ZBTB2: variants seen among roughly 807,000 people sequenced by gnomAD.
ZBTB2 encodes zinc finger and BTB domain-containing protein 2.
In ZBTB2, 2 loss-of-function variants were observed where a neutral mutation model predicts 39.5. That is an observed-to-expected ratio of 0.05 (90% CI 0.02 to 0.16). The LOEUF (loss-of-function observed/expected upper bound fraction) is 0.16, where lower values mean the gene tolerates loss of function less well. Ranked by LOEUF, ZBTB2 falls within the 10% of genes least tolerant of loss-of-function variation. The pLI, the probability that ZBTB2 is intolerant of heterozygous loss-of-function variation, is 1.00. For synonymous variants in ZBTB2, 251 were observed against 256.6 expected, an observed-to-expected ratio of 0.98 and a Z score of 0.21; for missense variants, 391 against 653.0, an observed-to-expected ratio of 0.60 and a Z score of 4.37.
In ZBTB2 at chr6:151,365,372, G is replaced by GGTGGA; in HGVS notation, c.*148_*149insTCCAC. The GGTGGA allele has an allele frequency of 1.2e-6, 1 of 843,280 alleles. No individual in the cohort carries two copies. Among genetic ancestry groups the GGTGGA allele is most frequent in the South Asian group, 1.8e-5 (1 of 55,460 alleles). 52.2% of individuals were successfully genotyped at this position (843,280 alleles called of 1,614,324 possible). A position where few individuals can be genotyped will look rare whatever the true frequency, so the allele number is the denominator to read the frequency against. ...TTATAATGCACAAAGCCTTTACAGA[G>GGTGGA]GTGGGGCTGGGATGTGGAAAAGGGG... On this transcript the variant is annotated 3_prime_UTR_variant, in exon 3 of 3. Transcript: ENST00000325144. This position sits in a 1 kb window ranked among gnomAD's most constrained non-coding sequence, Gnocchi z 5.6.
At chr6:151,377,461 C>T (rs12191820) in intron 1 of ZBTB2, among the ~76,000 whole-genome samples, 56,981 of 149,092 alleles carry the variant, frequency 0.38, 11,916 homozygotes, top group Non-Finnish European at 0.47. Flanking sequence ...CTCTGCCTCC[C>T]GGGTTCAAGC....
intron 1 of ZBTB2, among the ~76,000 whole-genome samples, chr6:151,374,168 G>A (rs536338154): frequency 3.3e-5 from 5 of 152,278 alleles, no homozygotes; most frequent in South Asian, 2.1e-4. Context: ...TCCCAGCAGG[G>A]CAGGGTGAGA....
chr6:151,390,156 G>C (rs1403779147), intron 1 of ZBTB2, among the ~76,000 whole-genome samples: 2 of 151,952 alleles, frequency 1.3e-5, no homozygotes, highest in African/African-American at 4.8e-5. Flanking sequence ...GGCTCAACAC[G>C]CTCCGTACCC....
intron 2 of ZBTB2, 126 bp from the exon 3 acceptor site, chr6:151,367,018 G>T: frequency 9.7e-7 from 1 of 1,027,060 alleles, no homozygotes; most frequent in Non-Finnish European, 1.4e-6. Flanking sequence ...TTTTTAGTAA[G>T]TTTCATGAAA....
rs56013233 is a variant in ZBTB2 at position 151,366,402 on chromosome 6, G to T, written c.664C>A (p.Leu222Met). The T allele has an allele frequency of 1.3e-3, 2,080 of 1,614,094 alleles. 3 individuals carry two copies. Among genetic ancestry groups the T allele is most frequent in the South Asian group, 1.6e-3 (142 of 91,076 alleles). Reference sequence around the variant, plus strand: ...TGCTCATCGGAGGAAGATGCTTCCAGATTGGTCTCCTCCCCGGGAGGAGGG... The same window carrying T: ...TGCTCATCGGAGGAAGATGCTTCCATATTGGTCTCCTCCCCGGGAGGAGGG... ...PPPPPGEETN[L>M]EASSSDEQPA... Residue 222 changes from leucine (L) to methionine (M), a missense_variant, in exon 3 of 3, where the codon CTG (leucine) becomes ATG (methionine). Physicochemically the swap from Leu to Met is conservative, Grantham distance 15. Around this residue, in one of 7 missense-constraint regions of ZBTB2, gnomAD observed 175 missense variants for 198.6 expected, o/e 0.88. Transcript: ENST00000325144. The surrounding 1 kb of genome is among the most constrained non-coding windows in gnomAD (Gnocchi z 7.1).
At chr6:151,385,063 A>G (rs988599206) in intron 1 of ZBTB2, among the ~76,000 whole-genome samples, 1 of 152,202 alleles carries the variant, frequency 6.6e-6, no homozygotes, top group Non-Finnish European at 1.5e-5. Flanking sequence ...ACTAAATAAA[A>G]AACAAGTCAT....
chr6:151,390,839 G>T (rs997447261), intron 1 of ZBTB2, among the ~76,000 whole-genome samples: 1 of 147,028 alleles, frequency 6.8e-6, no homozygotes, highest in Non-Finnish European at 1.5e-5. Context: ...AGCGGCGGCA[G>T]CAGCAGGAGG....
intron 1 of ZBTB2, among the ~76,000 whole-genome samples, 156 bp downstream of exon 1, chr6:151,391,264 T>C (rs1452420469): frequency 1.3e-5 from 2 of 151,666 alleles, no homozygotes; most frequent in East Asian, 3.9e-4. Context: ...CCCGTAGCCC[T>C]GGTACGAGGG....
At chr6:151,373,736 T>C in intron 1 of ZBTB2, 87 bp from the exon 2 acceptor site, 1 of 1,247,602 alleles carries the variant, frequency 8.0e-7, no homozygotes, top group Non-Finnish European at 1.1e-6. Context: ...TGATCATAGC[T>C]AACATGTCAT....
intron 2 of ZBTB2, among the ~76,000 whole-genome samples, chr6:151,372,438 C>A (rs1048596478): frequency 3.3e-5 from 5 of 152,000 alleles, no homozygotes; most frequent in African/African-American, 1.2e-4. Flanking sequence ...GAAGCAGCAC[C>A]GTAACTCAGG....
intron 1 of ZBTB2, among the ~76,000 whole-genome samples, chr6:151,386,836 T>C (rs1779164687): frequency 6.6e-6 from 1 of 152,140 alleles, no homozygotes; most frequent in African/African-American, 2.4e-5. Context: ...TAACTACTGA[T>C]AATTACCAAA....
chr6:151,383,808 A>C (rs1294957665), intron 1 of ZBTB2, among the ~76,000 whole-genome samples: 1 of 152,118 alleles, frequency 6.6e-6, no homozygotes, highest in Non-Finnish European at 1.5e-5. Context: ...CCTGCCCCTC[A>C]TAATCTCCTT....
chr6:151,391,353 C>G (rs1382853313), intron 1 of ZBTB2, 67 bp downstream of exon 1: 1 of 152,084 alleles, frequency 6.6e-6, no homozygotes, highest in East Asian at 2.0e-4. Context: ...CCACCGCCTT[C>G]CCGGACCCTG....
chr6:151,366,109 C>T lies in ZBTB2; in HGVS notation c.957G>A (p.Glu319=). 1 of 1,614,192 alleles carries T rather than the reference C, an allele frequency of 6.2e-7. No homozygotes were observed. Among genetic ancestry groups the T allele is most frequent in the Non-Finnish European group, 8.5e-7 (1 of 1,180,042 alleles). Residue 319 remains glutamate (E), a synonymous_variant, in exon 3 of 3, where the codon GAG becomes GAA. Transcript: ENST00000325144. The surrounding 1 kb of genome is among the most constrained non-coding windows in gnomAD (Gnocchi z 7.1). ...VPEAGMISDS[E]LQHISDSPII... ...TGGGAGAATCAGAGATGTGCTGCAG[C>T]TCACTGTCACTTATCATCCCGGCTT... is the stretch of plus-strand genomic sequence containing the variant.
chr6:151,376,522 A>T (rs1562767768), intron 1 of ZBTB2, among the ~76,000 whole-genome samples: 1 of 152,242 alleles, frequency 6.6e-6, no homozygotes, highest in Non-Finnish European at 1.5e-5. Flanking sequence ...ATCAAATCAG[A>T]AAATATGTAA....
At position 151,365,839 on chromosome 6, in the gene ZBTB2, C is replaced by T. The variant is rs150446299; in HGVS notation, c.1227G>A (p.Val409=). 1.2e-6 allele frequency: 2 copies of T among 1,614,210 alleles called. No individual in the cohort carries two copies. The highest frequency in any genetic ancestry group is 2.2e-5 in the South Asian group (2 of 91,086). The change falls in exon 3 of 3, where the codon GTG becomes GTA. Residue 409 remains valine (V), a synonymous_variant. Transcript: ENST00000325144. The surrounding 1 kb of genome is among the most constrained non-coding windows in gnomAD (Gnocchi z 5.6). The part of the protein sequence containing the change: ...FCRANQAARH[V]CLNQSIDTYT... ...AAGTGTCGATGCTCTGGTTGAGGCACACGTGGCGGGCAGCCTGGTTGGCCC... is the reference window on the plus strand; with the variant it reads ...AAGTGTCGATGCTCTGGTTGAGGCATACGTGGCGGGCAGCCTGGTTGGCCC...
chr6:151,366,426 G>C lies in ZBTB2; in HGVS notation c.640C>G (p.Pro214Ala), dbSNP rs774810289. 2 of 1,614,094 alleles carry C rather than the reference G, an allele frequency of 1.2e-6. No homozygotes were observed. The highest frequency in any genetic ancestry group is 2.2e-5 in the East Asian group (1 of 44,852). ...PELVSTPVPP[P>A]PPGEETNLEA... ...AGATTGGTCTCCTCCCCGGGAGGAG[G>C]GGGAGGAACAGGAGTGGAAACAAGT... Residue 214 changes from proline (P) to alanine (A), a missense_variant, in exon 3 of 3, where the codon CCT becomes GCT. Pro to Ala is a conservative substitution (Grantham distance 27). This residue lies in a region of ZBTB2 where 175 missense variants were observed against 198.6 expected (regional missense o/e 0.88). Transcript: ENST00000325144. The surrounding 1 kb of genome is among the most constrained non-coding windows in gnomAD (Gnocchi z 7.1).
At chr6:151,369,413 C>T (rs1778729841) in intron 2 of ZBTB2, among the ~76,000 whole-genome samples, 1 of 152,094 alleles carries the variant, frequency 6.6e-6, no homozygotes. Flanking sequence ...AGTGCAGTGG[C>T]ATGATCATAG....
intron 2 of ZBTB2, among the ~76,000 whole-genome samples, chr6:151,371,626 C>G (rs551102994): frequency 6.6e-6 from 1 of 152,234 alleles, no homozygotes; most frequent in Admixed American, 6.5e-5. Context: ...GGAGGTTGGG[C>G]TCCAAGCCTG....
Sources: allele counts gnomAD v4.1 joint callset (sites outside exome capture counted in the v4.1 genomes callset), GRCh38; gene constraint gnomAD v4.1.1; regional missense constraint gnomAD v4.1.1; non-coding constraint Gnocchi (gnomAD v3.1); transcripts MANE v1.5; gene names NCBI Gene and HGNC (gene_info 2026-07-23, HGNC 2026-07-21).